The following MUC3A variants were observed in gnomAD, a reference collection of about 807,000 sequenced individuals.
The protein encoded by MUC3A is mucin-3A.
In MUC3A, 109 loss-of-function variants were observed where a neutral mutation model predicts 109.0. That is an observed-to-expected ratio of 1.00 (90% CI 0.86 to 1.17). MUC3A has a LOEUF of 1.17. Ranked by LOEUF, MUC3A falls within the 50% of genes most tolerant of loss-of-function variation. The probability of loss-of-function intolerance (pLI) is 0.00; values close to 1 mark genes in which losing one functional copy is unlikely to be tolerated. For missense variants in MUC3A, 3,537 were observed against 2,469.4 expected (o/e 1.43, Z -9.16); for synonymous variants, 1,398 against 981.4 (o/e 1.42, Z -7.93).
At chr7:100,964,158 C>A in intron 5 of MUC3A, 1 of 326,356 alleles carries the variant, frequency 3.1e-6, no homozygotes, top group Non-Finnish European at 5.7e-6. Context: ...AACGTCAGGC[C>A]AGATGTGGTG....
chr7:100,967,242 C>T lies in MUC3A; in HGVS notation c.*80C>T, dbSNP rs1792627252. 4 of 1,580,364 alleles carry T rather than the reference C, an allele frequency of 2.5e-6. No individual in the cohort carries two copies. Among genetic ancestry groups the T allele is most frequent in the Middle Eastern group, 1.7e-4 (1 of 6,032 alleles). On this transcript the variant is annotated 3_prime_UTR_variant, in exon 12 of 12. Coordinates refer to ENST00000379458, the MANE Select transcript of MUC3A (RefSeq NM_005960.2). ...GCATTGCGTCCATTTCAAGAGGTGGCCCCAGGACGCGGGCAGCCCAGGCTC... is the reference window on the plus strand; with the variant it reads ...GCATTGCGTCCATTTCAAGAGGTGGTCCCAGGACGCGGGCAGCCCAGGCTC...
intron 8 of MUC3A, 39 bp downstream of exon 8, chr7:100,965,905 C>T (rs1238967158): frequency 1.3e-6 from 2 of 1,554,914 alleles, no homozygotes; most frequent in South Asian, 1.2e-5. Flanking sequence ...CCGAGCCCCT[C>T]CCACTCATTC....
At chr7:100,963,573 C>G in intron 4 of MUC3A, 115 bp from the exon 5 acceptor site, 1 of 1,517,854 alleles carries the variant, frequency 6.6e-7, no homozygotes. Context: ...GCGTGAGCCA[C>G]GGCACCCGGC....
chr7:100,961,401 C>G (rs1037196696), intron 3 of MUC3A, among the ~76,000 whole-genome samples: 1 of 1,290 alleles, frequency 7.8e-4, no homozygotes, highest in Non-Finnish European at 2.2e-3. Flanking sequence ...AAGCCTGCAT[C>G]TCTCTGTGTC....
chr7:100,952,516 T>C lies in MUC3A; in HGVS notation c.737T>C (p.Phe246Ser), dbSNP rs777632314. 16 of 1,598,366 alleles carry C rather than the reference T, an allele frequency of 1.0e-5. No individual in the cohort carries two copies. The highest frequency in any genetic ancestry group is 5.3e-5 in the African/African-American group (4 of 74,956). The change falls in exon 2 of 12, where the codon TTT (phenylalanine) becomes TCT (serine). Residue 246 changes from phenylalanine to serine, a missense_variant. Physicochemically the swap from Phe to Ser is radical, Grantham distance 155 (BLOSUM62 -2). Transcript: ENST00000379458. ...IHTTTSPTPV[F>S]TTLKTAVTST... Reference sequence around the variant, plus strand: ...ACAACCACGTCCCCAACCCCAGTATTTACTACTCTCAAAACAGCAGTGACT... The same window carrying C: ...ACAACCACGTCCCCAACCCCAGTATCTACTACTCTCAAAACAGCAGTGACT...
In MUC3A at chr7:100,960,443, C is replaced by G; in HGVS notation, c.8664C>G (p.Thr2888=). The G allele has an allele frequency of 6.3e-7, 1 of 1,598,604 alleles. No homozygotes were observed. The highest frequency in any genetic ancestry group is 8.5e-7 in the Non-Finnish European group (1 of 1,179,826). The change falls in exon 2 of 12, where the codon ACC becomes ACG. Residue 2888 remains threonine (T), a synonymous_variant. Transcript: ENST00000379458. Reference sequence around the variant, plus strand: ...CCCTACCTCTTCCTGGCGTCTCTACCATCCCGCTCACCATGAAACCAAGCA... The same window carrying G: ...CCCTACCTCTTCCTGGCGTCTCTACGATCCCGCTCACCATGAAACCAAGCA... The part of the protein sequence containing the change: ...VIPLPLPGVS[T]IPLTMKPSSS...
chr7:100,951,939 G>C lies in MUC3A; in HGVS notation c.160G>C (p.Ala54Pro), dbSNP rs757153895. 3 of 1,598,632 alleles carry C rather than the reference G, an allele frequency of 1.9e-6. No homozygotes were observed. The South Asian group carries it at 3.3e-5, about 18-fold the overall frequency. ...LSNSPHSRDL[A>P]GWPLGVPQLA... ...CAATTCTCCACACTCCAGAGACCTG[G>C]CTGGGTGGCCACTTGGTGTCCCCCA... is the stretch of plus-strand genomic sequence containing the variant. Residue 54 changes from alanine to proline, a missense_variant, in exon 2 of 12, where the codon GCT becomes CCT. Ala to Pro is a conservative substitution (Grantham distance 27). Transcript: ENST00000379458.
chr7:100,954,705 T>A lies in MUC3A; in HGVS notation c.2926T>A (p.Phe976Ile). The change falls in exon 2 of 12, where the codon TTT becomes ATT. Residue 976 changes from phenylalanine (F) to isoleucine (I), a missense_variant. By Grantham distance (21) the Phe-to-Ile change is conservative. Transcript: ENST00000379458. ...VSTTGRGQTT[F>I]PSSTATFPET... The stretch of plus-strand genomic sequence containing the variant: ...AACTACAGGCAGAGGTCAGACCACC[T>A]TTCCCAGCTCTACAGCCACATTCCC... 1 of 399,590 alleles carries A rather than the reference T, an allele frequency of 2.5e-6. No homozygotes were observed. Among genetic ancestry groups the A allele is most frequent in the Non-Finnish European group, 4.4e-6 (1 of 227,104 alleles). The allele number at this position is 399,590 out of a possible 1,614,324, so 24.8% of individuals were successfully genotyped here.
chr7:100,962,760 CCTTT>C (rs993407995), intron 3 of MUC3A, among the ~76,000 whole-genome samples: 41 of 148,650 alleles, frequency 2.8e-4, no homozygotes, highest in East Asian at 7.8e-4. Flanking sequence ...ATGCTTTCTC[CCTTT>C]CTTTCTTTCC....
Position 100,952,832 on chromosome 7 carries a change from C to A in MUC3A, c.1053C>A (p.Ile351=). ...CTGTCACAGACTCCACTACCAAAAT[C>A]GCCTACTCCACAAGTATGACAGGTA... is the stretch of plus-strand genomic sequence containing the variant. ...TSTVTDSTTK[I]AYSTSMTGTL... Residue 351 remains isoleucine (I), a synonymous_variant, in exon 2 of 12, where the codon ATC becomes ATA. Coordinates refer to ENST00000379458, the MANE Select transcript of MUC3A (RefSeq NM_005960.2). The A allele has an allele frequency of 6.8e-7, 1 of 1,461,212 alleles. No homozygotes were observed. Among genetic ancestry groups the A allele is most frequent in the Non-Finnish European group, 9.0e-7 (1 of 1,111,232 alleles). The allele number at this position is 1,461,212 out of a possible 1,614,324, so 90.5% of individuals were successfully genotyped here. A position where few individuals can be genotyped will look rare whatever the true frequency, so the allele number is the denominator to read the frequency against.
chr7:100,951,415 G>C (rs75323441), intron 1 of MUC3A, among the ~76,000 whole-genome samples: 25,473 of 133,372 alleles, frequency 0.19, no homozygotes, highest in African/African-American at 0.2. Context: ...AGGGTGCCGG[G>C]AGAAGCAGTG....
Position 100,960,917 on chromosome 7 carries a change from C to T in MUC3A, c.9032C>T (p.Ala3011Val), listed in dbSNP as rs556206096. 4.4e-6 allele frequency: 7 copies of T among 1,598,538 alleles called. No individual in the cohort carries two copies. Among genetic ancestry groups the T allele is most frequent in the Admixed American group, 1.7e-5 (1 of 60,032 alleles). ...STFYGSSCEF[A>V]VEQVDLDVVE... The stretch of plus-strand genomic sequence containing the variant: ...TTCTATGGTTCCAGTTGTGAGTTTG[C>T]TGTGGAACAGGTGGATCTAGGTGAG... Residue 3011 changes from alanine to valine, a missense_variant, in exon 3 of 12, where the codon GCT (alanine) becomes GTT (valine). Physicochemically the swap from Ala to Val is moderately conservative, Grantham distance 64 (BLOSUM62 0). Coordinates refer to ENST00000379458, the MANE Select transcript of MUC3A (RefSeq NM_005960.2).
Position 100,965,691 on chromosome 7 carries a change from C to T in MUC3A, c.9449-13C>T, listed in dbSNP as rs773600802. ...GGTCCTTGTCTCTGTGCATCCCCCT[C>T]CCCAACCCCCAGCCATCTGCCGCCG... On this transcript the variant is annotated splice_polypyrimidine_tract_variant and intron_variant, in intron 7 of 11. Coordinates refer to ENST00000379458, the MANE Select transcript of MUC3A (RefSeq NM_005960.2). 2.5e-6 allele frequency: 4 copies of T among 1,594,594 alleles called. No homozygotes were observed. The highest frequency in any genetic ancestry group is 2.5e-6 in the Non-Finnish European group (3 of 1,177,506).
Position 100,959,633 on chromosome 7 carries a change from A to G in MUC3A, c.7854A>G (p.Thr2618=). 1 of 1,598,508 alleles carries G rather than the reference A, an allele frequency of 6.3e-7. No homozygotes were observed. Among genetic ancestry groups the G allele is most frequent in the African/African-American group, 1.3e-5 (1 of 75,084 alleles). Residue 2618 remains threonine (T), a synonymous_variant, in exon 2 of 12, where the codon ACA becomes ACG. Coordinates refer to ENST00000379458, the MANE Select transcript of MUC3A (RefSeq NM_005960.2). The part of the protein sequence containing the change: ...TSTLHTLTPS[T]ALSTIVSTSQ... ...CTCTTCATACTCTTACTCCATCAAC[A>G]GCCTTGAGCACGATCGTGTCAACAT... is the stretch of plus-strand genomic sequence containing the variant.
At position 100,959,516 on chromosome 7, in the gene MUC3A, G is replaced by A. The variant is rs1205714660; in HGVS notation, c.7737G>A (p.Gln2579=). 6.3e-7 allele frequency: 1 copy of A among 1,578,382 alleles called. No individual in the cohort carries two copies. Among genetic ancestry groups the A allele is most frequent in the Non-Finnish European group, 8.5e-7 (1 of 1,172,318 alleles). The change falls in exon 2 of 12, where the codon CAG becomes CAA. Residue 2579 remains glutamine (Q), a synonymous_variant. Transcript: ENST00000379458. ...SIVVIPETPT[Q]TPPVLTSATG... is the part of the protein sequence containing the mutation. The stretch of plus-strand genomic sequence containing the variant: ...TTGTTATACCTGAAACCCCAACACA[G>A]ACCCCTCCTGTACTGACGTCAGCCA...
intron 6 of MUC3A, 118 bp from the exon 7 acceptor site, chr7:100,965,164 C>CCT: frequency 6.9e-7 from 1 of 1,443,548 alleles, no homozygotes; most frequent in Non-Finnish European, 9.3e-7. Flanking sequence ...GAGGGCTCTC[C>CCT]CAGACGGAGA....
rs1009914753 is a variant in MUC3A at position 100,957,168 on chromosome 7, G to A, written c.5389G>A (p.Val1797Ile). ...TACGTTACCATCATTTACCAGTAGCGTTTCATCTTCTACGCCTGTCCCAAG... is the reference window on the plus strand; with the variant it reads ...TACGTTACCATCATTTACCAGTAGCATTTCATCTTCTACGCCTGTCCCAAG... The part of the protein sequence containing the change: ...TNTLPSFTSS[V>I]SSSTPVPSTE... Residue 1797 changes from valine (V) to isoleucine (I), a missense_variant, in exon 2 of 12, where the codon GTT (valine) becomes ATT (isoleucine). Val to Ile is a conservative substitution (Grantham distance 29, BLOSUM62 3). Transcript: ENST00000379458. The A allele has an allele frequency of 1.9e-3, 829 of 447,182 alleles. No homozygotes were observed. Among genetic ancestry groups the A allele is most frequent in the Non-Finnish European group, 2.5e-3 (635 of 256,066 alleles). 27.7% of individuals were successfully genotyped at this position (447,182 alleles called of 1,614,324 possible).
Position 100,960,413 on chromosome 7 carries a change from G to A in MUC3A, c.8634G>A (p.Val2878=). 1 of 1,598,548 alleles carries A rather than the reference G, an allele frequency of 6.3e-7. No individual in the cohort carries two copies. Among genetic ancestry groups the A allele is most frequent in the East Asian group, 2.2e-5 (1 of 44,892 alleles). ...AGACCTGGCTGAGCAACAGTTCTGTGATCCCCCTACCTCTTCCTGGCGTCT... is the reference window on the plus strand; with the variant it reads ...AGACCTGGCTGAGCAACAGTTCTGTAATCCCCCTACCTCTTCCTGGCGTCT... ...TSETWLSNSS[V]IPLPLPGVST... is the part of the protein sequence containing the mutation. Residue 2878 remains valine, a synonymous_variant, in exon 2 of 12, where the codon GTG becomes GTA. Transcript: ENST00000379458.
intron 1 of MUC3A, among the ~76,000 whole-genome samples, chr7:100,950,333 G>A (rs1307788875): frequency 1.3e-5 from 2 of 152,244 alleles, no homozygotes; most frequent in African/African-American, 2.4e-5. Flanking sequence ...GGGGTCCCAG[G>A]CTTCTCTCTT....
Sources: gnomAD v4.1 joint callset for allele counts (sites outside exome capture counted in the v4.1 genomes callset) on GRCh38, gnomAD v4.1.1 for gene constraint, MANE v1.5 for transcripts, NCBI Gene and HGNC (gene_info 2026-07-23, HGNC 2026-07-21) for gene names.